The following LSM12 variants were observed in gnomAD, a reference collection of about 807,000 sequenced individuals.
The protein encoded by LSM12 is LSM12 homolog, also known as protein LSM12.
For missense variants in LSM12, 108 were observed against 238.9 expected (o/e 0.45, Z 3.61); for synonymous variants, 74 against 87.3 (o/e 0.85, Z 0.85).
chr17:44,043,258 C>A (rs115475769), intron 2 of LSM12, among the ~76,000 whole-genome samples: 43 of 152,350 alleles, frequency 2.8e-4, no homozygotes, highest in African/African-American at 9.9e-4. Flanking sequence ...CTGCAGTGAT[C>A]TGAAGCCAGA....
chr17:44,046,661 T>G (rs1395987101), intron 2 of LSM12, among the ~76,000 whole-genome samples: 15 of 131,776 alleles, frequency 1.1e-4, no homozygotes, highest in South Asian at 7.9e-4. Flanking sequence ...GAGCTGAGAT[T>G]AATGCGCCAC....
intron 4 of LSM12, 65 bp from the exon 5 acceptor site, chr17:44,036,365 C>T: frequency 6.2e-7 from 1 of 1,603,264 alleles, no homozygotes; most frequent in South Asian, 1.1e-5. Flanking sequence ...CCAAACAATC[C>T]AACCCAGGTT....
chr17:44,056,499 G>A (rs1387410504), intron 2 of LSM12, among the ~76,000 whole-genome samples: 2 of 151,976 alleles, frequency 1.3e-5, no homozygotes, highest in Non-Finnish European at 2.9e-5. Flanking sequence ...GCACACACCT[G>A]TAGTCCCAGC....
At chr17:44,037,896 T>C (rs1333871549) in intron 3 of LSM12, among the ~76,000 whole-genome samples, 2 of 152,136 alleles carry the variant, frequency 1.3e-5, no homozygotes, top group Non-Finnish European at 1.5e-5. Context: ...TAACAAACAT[T>C]TTAGGCTTTG....
chr17:44,061,096 T>A (rs1384592112), intron 2 of LSM12, among the ~76,000 whole-genome samples: 1 of 152,050 alleles, frequency 6.6e-6, no homozygotes, highest in Admixed American at 6.6e-5. Context: ...GGCGGGCGGA[T>A]CACCTGAGGT....
At chr17:44,059,453 G>A (rs894077158) in intron 2 of LSM12, among the ~76,000 whole-genome samples, 10 of 152,062 alleles carry the variant, frequency 6.6e-5, no homozygotes, top group African/African-American at 2.4e-4. Context: ...GCCGGGCATG[G>A]TGGCAGCAGG....
At chr17:44,041,310 C>CAA (rs2049488689) in intron 2 of LSM12, among the ~76,000 whole-genome samples, 1 of 143,390 alleles carries the variant, frequency 7.0e-6, no homozygotes, top group African/African-American at 2.7e-5. Context: ...CACACACACA[C>CAA]ACACACACAC....
At chr17:44,056,854 G>T (rs1456360351) in intron 2 of LSM12, among the ~76,000 whole-genome samples, 1 of 151,966 alleles carries the variant, frequency 6.6e-6, no homozygotes, top group Non-Finnish European at 1.5e-5. Context: ...AGCCAGGTGG[G>T]GTGGCACATG....
At chr17:44,061,962 C>G (rs2049800773) in intron 2 of LSM12, among the ~76,000 whole-genome samples, 1 of 152,174 alleles carries the variant, frequency 6.6e-6, no homozygotes, top group South Asian at 2.1e-4. Flanking sequence ...TGGCTCACGC[C>G]TGTAATCCCA....
intron 3 of LSM12, among the ~76,000 whole-genome samples, chr17:44,038,216 T>C (rs1204770315): frequency 2.6e-5 from 4 of 151,764 alleles, no homozygotes; most frequent in Non-Finnish European, 2.9e-5. Flanking sequence ...TAGCCGGTAG[T>C]GGTGGCATGC....
At chr17:44,061,383 T>C (rs1161224427) in intron 2 of LSM12, among the ~76,000 whole-genome samples, 1 of 151,500 alleles carries the variant, frequency 6.6e-6, no homozygotes, top group African/African-American at 2.4e-5. Flanking sequence ...CATGAGCTTA[T>C]AGAAGACACT....
intron 2 of LSM12, among the ~76,000 whole-genome samples, chr17:44,044,664 A>G (rs2049537861): frequency 6.6e-6 from 1 of 152,224 alleles, no homozygotes; most frequent in Non-Finnish European, 1.5e-5. Context: ...GGTCCCCATC[A>G]ATGGGGGAGA....
chr17:44,060,153 A>G, intron 2 of LSM12, among the ~76,000 whole-genome samples: 1 of 152,206 alleles, frequency 6.6e-6, no homozygotes, highest in African/African-American at 2.4e-5. Context: ...CGACAGAGCA[A>G]GACTTCGTCT....
At chr17:44,064,929 C>T (rs2049850614) in intron 1 of LSM12, among the ~76,000 whole-genome samples, 2 of 151,754 alleles carry the variant, frequency 1.3e-5, no homozygotes, top group South Asian at 4.2e-4. Flanking sequence ...GTCAGGAGAT[C>T]GAGACCATCT....
At position 44,036,409 on chromosome 17, in the gene LSM12, G is replaced by C. The variant is rs1372243875; in HGVS notation, c.496-109C>G. ...CCCATCCTGGCTGTCCAGCCCATTG[G>C]TGTCCAGGCACCTTTGCCCTTGCTG... On this transcript the variant is annotated intron_variant, in intron 4 of 4. Coordinates refer to ENST00000293406, the MANE Select transcript of LSM12 (RefSeq NM_001371445.1). 2.1e-6 allele frequency: 3 copies of C among 1,420,508 alleles called. No homozygotes were observed. In the African/African-American group the frequency reaches 4.2e-5, roughly 20 times the overall value. The allele number at this position is 1,420,508 out of a possible 1,614,324, so 88.0% of individuals were successfully genotyped here. A position where few individuals can be genotyped will look rare whatever the true frequency, so the allele number is the denominator to read the frequency against.
At chr17:44,038,181 T>C (rs1451258235) in intron 3 of LSM12, among the ~76,000 whole-genome samples, 1 of 151,848 alleles carries the variant, frequency 6.6e-6, no homozygotes, top group Non-Finnish European at 1.5e-5. Flanking sequence ...AAAACTCGTC[T>C]CTACTAAAAA....
Position 44,037,475 on chromosome 17 carries a change from G to T in LSM12, c.432C>A (p.Pro144=), listed in dbSNP as rs184059566. Residue 144 remains proline, a synonymous_variant, in exon 4 of 5, where the codon CCC becomes CCA. Coordinates refer to ENST00000293406, the MANE Select transcript of LSM12 (RefSeq NM_001371445.1). ...CTTTACAGTTTTCCACTTGATATGG[G>T]GGTGTAATAACAACTTCTTCCATGA... ...IVVMEEVVIT[P]PYQVENCKGK... is the part of the protein sequence containing the mutation. The T allele has an allele frequency of 5.1e-5, 82 of 1,611,132 alleles. No homozygotes were observed. The Admixed American group carries it at 1.1e-3, about 22-fold the overall frequency.
In LSM12 at chr17:44,036,211, G is replaced by A. The variant is rs2144061038; in HGVS notation, c.585C>T (p.Ser195=). The A allele has an allele frequency of 6.2e-7, 1 of 1,612,430 alleles. No individual in the cohort carries two copies. Among genetic ancestry groups the A allele is most frequent in the Non-Finnish European group, 8.5e-7 (1 of 1,179,672 alleles). ...QQPQKEAALS[S] ...AGAGTCCTCCATGTGTACGGACTCAGGATGACAGGGCAGCCTCCTTCTGTG... is the reference window on the plus strand; with the variant it reads ...AGAGTCCTCCATGTGTACGGACTCAAGATGACAGGGCAGCCTCCTTCTGTG... Residue 195 remains serine (S), a synonymous_variant, in exon 5 of 5, where the codon TCC becomes TCT. Transcript: ENST00000293406.
At chr17:44,046,764 T>G (rs553865421) in intron 2 of LSM12, among the ~76,000 whole-genome samples, 2 of 142,660 alleles carry the variant, frequency 1.4e-5, no homozygotes, top group African/African-American at 2.6e-5. Context: ...TTTTTCTTTT[T>G]TTTTTTTTTT....
Sources: gnomAD v4.1 joint callset for allele counts (sites outside exome capture counted in the v4.1 genomes callset) on GRCh38, gnomAD v4.1.1 for gene constraint, MANE v1.5 for transcripts, NCBI Gene and HGNC (gene_info 2026-07-23, HGNC 2026-07-21) for gene names.